The following ZMYM2 variants were observed in gnomAD, a reference collection of about 807,000 sequenced individuals.
ZMYM2 encodes the protein zinc finger MYM-type protein 2.
A neutral mutation model predicts 162.8 loss-of-function variants in ZMYM2; 56 were observed. That is an observed-to-expected ratio of 0.34 (90% CI 0.28 to 0.43). The LOEUF (loss-of-function observed/expected upper bound fraction) is 0.43, where lower values mean the gene tolerates loss of function less well. Among genes scored for constraint, ZMYM2 ranks in the 20% least tolerant of loss-of-function variants. The pLI, the probability that ZMYM2 is intolerant of heterozygous loss-of-function variation, is 1.00. For synonymous variants in ZMYM2, 510 were observed against 541.6 expected, an observed-to-expected ratio of 0.94 and a Z score of 0.81; for missense variants, 1,275 against 1,621.8, an observed-to-expected ratio of 0.79 and a Z score of 3.67.
intron 2 of ZMYM2, among the ~76,000 whole-genome samples, chr13:19,983,068 A>G (rs751664726): frequency 7.2e-5 from 11 of 152,158 alleles, no homozygotes; most frequent in Non-Finnish European, 1.6e-4. Context: ...ACTGTCTATA[A>G]TAGTTTTTCA....
At chr13:20,045,154 C>G (rs779467913) in intron 12 of ZMYM2, among the ~76,000 whole-genome samples, 2 of 148,432 alleles carry the variant, frequency 1.3e-5, no homozygotes, top group African/African-American at 2.5e-5. Context: ...ATATGGAGAA[C>G]AGTATTTAGT....
At chr13:19,875,378 C>A in the ZMYM2 span, among the ~76,000 whole-genome samples, 1 of 152,124 alleles carries the variant, frequency 6.6e-6, no homozygotes, top group African/African-American at 2.4e-5. Context: ...ACCTGTAATC[C>A]CAGCACTTAG....
intron 12 of ZMYM2, among the ~76,000 whole-genome samples, chr13:20,050,444 C>T (rs1022579477): frequency 6.6e-6 from 1 of 151,798 alleles, no homozygotes; most frequent in Non-Finnish European, 1.5e-5. Flanking sequence ...CTACGAACTA[C>T]AAAATACTTA....
At chr13:20,064,597 G>C (rs3818345) in intron 19 of ZMYM2, 52 bp downstream of exon 19, 77,058 of 1,383,802 alleles carry the variant, frequency 0.056, 2,478 homozygotes, top group African/African-American at 0.1. Flanking sequence ...GGCAAACAAG[G>C]ATACAGTGTT....
At chr13:19,947,507 C>A in the ZMYM2 span, among the ~76,000 whole-genome samples, 1 of 147,202 alleles carries the variant, frequency 6.8e-6, no homozygotes, top group Non-Finnish European at 1.5e-5. Flanking sequence ...GTTGCCCAGG[C>A]TGGAGTGCAA....
intron 23 of ZMYM2, 57 bp downstream of exon 23, chr13:20,083,089 T>C: frequency 1.4e-6 from 2 of 1,468,646 alleles, no homozygotes; most frequent in South Asian, 2.9e-5. Flanking sequence ...TGAGACAGAG[T>C]TTCACTCTTG....
chr13:19,887,347 G>A, the ZMYM2 span, among the ~76,000 whole-genome samples: 1 of 151,534 alleles, frequency 6.6e-6, no homozygotes, highest in African/African-American at 2.4e-5. Context: ...TGGCCAACAT[G>A]GTGAAACCTC....
intron 1 of ZMYM2, among the ~76,000 whole-genome samples, chr13:19,959,650 C>T (rs1317512377): frequency 6.6e-6 from 1 of 152,114 alleles, no homozygotes. Flanking sequence ...AATACAAATC[C>T]CTTGCTGGCG....
At chr13:20,032,076 G>A (rs1226280074) in intron 10 of ZMYM2, among the ~76,000 whole-genome samples, 2 of 151,836 alleles carry the variant, frequency 1.3e-5, no homozygotes, top group Admixed American at 6.6e-5. Flanking sequence ...TCACCATGTT[G>A]GCCAGGCTGG....
In ZMYM2 at chr13:19,993,292, C is replaced by A. The variant is rs758413043; in HGVS notation, c.220C>A (p.Pro74Thr). Residue 74 changes from proline to threonine, a missense_variant, in exon 3 of 25, where the codon CCA (proline) becomes ACA (threonine). By Grantham distance (38) the Pro-to-Thr change is conservative (BLOSUM62 -1). This residue lies in a region of ZMYM2 where 295 missense variants were observed against 286.7 expected (regional missense o/e 1.03). Transcript: ENST00000610343. Reference protein sequence around the residue: ...EPVQPPPPSVPVVADQRTITF... With the variant: ...EPVQPPPPSVTVVADQRTITF... ...TGTACAACCTCCCCCACCTTCTGTA[C>A]CAGTGGTAGCTGATCAAAGAACCAT... is the stretch of plus-strand genomic sequence containing the variant. The A allele has an allele frequency of 1.2e-6, 2 of 1,613,758 alleles. No homozygotes were observed. The highest frequency in any genetic ancestry group is 1.3e-5 in the African/African-American group (1 of 74,906).
At chr13:19,885,881 A>ATG in the ZMYM2 span, among the ~76,000 whole-genome samples, 1 of 109,584 alleles carries the variant, frequency 9.1e-6, no homozygotes, top group African/African-American at 3.7e-5. Flanking sequence ...ATGTATATAC[A>ATG]CATATATATG....
intron 2 of ZMYM2, among the ~76,000 whole-genome samples, chr13:19,991,137 CAG>C (rs1486357408): frequency 1.4e-5 from 2 of 143,232 alleles, no homozygotes; most frequent in African/African-American, 2.7e-5. Flanking sequence ...TCTTTTGAGA[CAG>C]GGTTTGCTCT....
At chr13:20,050,939 C>T (rs1009128104) in intron 12 of ZMYM2, among the ~76,000 whole-genome samples, 2 of 151,938 alleles carry the variant, frequency 1.3e-5, no homozygotes, top group Non-Finnish European at 2.9e-5. Context: ...TAAAGCTTTT[C>T]AAATTTATAT....
intron 12 of ZMYM2, among the ~76,000 whole-genome samples, chr13:20,046,554 T>TAAAAAAAAA (rs137929093): frequency 2.6e-5 from 2 of 76,412 alleles, no homozygotes; most frequent in Admixed American, 1.6e-4. Flanking sequence ...ACTTTGTCTC[T>TAAAAAAAAA]AAAAAAAAAA....
chr13:19,982,281 C>CTTTTTTTTTTTTTTTTTTTTTTTTTTTT (rs56165263), intron 2 of ZMYM2, among the ~76,000 whole-genome samples: 1 of 86,256 alleles, frequency 1.2e-5, no homozygotes. Flanking sequence ...TATTAGCTGT[C>CTTTTTTTTTTTTTTTTTTTTTTTTTTTT]TTTTTTTTTT....
chr13:20,075,670 C>CTTTTTTTTT lies in ZMYM2; in HGVS notation c.3454-6322_3454-6314dup, dbSNP rs56664916. 2.0e-3 allele frequency among the ~76,000 whole-genome samples: 150 copies of CTTTTTTTTT among 75,710 alleles called. 7 individuals carry two copies. The highest frequency in any genetic ancestry group is 7.6e-3 in the Middle Eastern group (1 of 132). The allele number at this position is 75,710 out of a possible 152,430, so 49.7% of individuals were successfully genotyped here. The stretch of plus-strand genomic sequence containing the variant: ...TTATTATGAATAGAACTATAGACAC[C>CTTTTTTTTT]TTTTTTTTTTTTTTTTTTTTTTTTT... On this transcript the variant is annotated intron_variant, in intron 21 of 24. Transcript: ENST00000610343.
At chr13:19,997,024 A>G (rs897086462) in intron 3 of ZMYM2, among the ~76,000 whole-genome samples, 1 of 152,206 alleles carries the variant, frequency 6.6e-6, no homozygotes, top group South Asian at 2.1e-4. Context: ...CAGCCTGCGC[A>G]ACACAGTGAG....
At chr13:19,878,808 C>T in the ZMYM2 span, among the ~76,000 whole-genome samples, 1 of 152,148 alleles carries the variant, frequency 6.6e-6, no homozygotes, top group Admixed American at 6.6e-5. Context: ...GCACTGTGCC[C>T]AGCCCTTTGC....
the ZMYM2 span, among the ~76,000 whole-genome samples, chr13:19,940,503 C>T: frequency 4.6e-5 from 7 of 152,212 alleles, no homozygotes; most frequent in African/African-American, 1.7e-4. Context: ...TCTCTACTTT[C>T]AGAGATTGCT....
Sources: allele counts gnomAD v4.1 joint callset (sites outside exome capture counted in the v4.1 genomes callset), GRCh38; gene constraint gnomAD v4.1.1; regional missense constraint gnomAD v4.1.1; transcripts MANE v1.5; gene names NCBI Gene and HGNC (gene_info 2026-07-23, HGNC 2026-07-21).